Variants in PSMG2 observed in about 807,000 individuals in gnomAD.
PSMG2 encodes the protein proteasome assembly chaperone 2, also known as CD40 ligand-activated specific transcript 3.
Under a neutral mutation model 31.5 loss-of-function variants are expected in PSMG2, and 21 were observed. The ratio of observed to expected loss-of-function variants is 0.67; its 90% CI spans 0.47 to 0.96. The LOEUF (loss-of-function observed/expected upper bound fraction) is 0.96, where lower values mean the gene tolerates loss of function less well. PSMG2 is among the 40% of genes least tolerant of loss of function. The pLI, the probability that PSMG2 is intolerant of heterozygous loss-of-function variation, is 0.00. For missense variants in PSMG2, 318 were observed against 321.2 expected (o/e 0.99, Z 0.08); for synonymous variants, 120 against 110.4 (o/e 1.09, Z -0.54).
At chr18:12,719,844 C>T (rs1359509520) in intron 4 of PSMG2, among the ~76,000 whole-genome samples, 1 of 150,182 alleles carries the variant, frequency 6.7e-6, no homozygotes, top group Non-Finnish European at 1.5e-5. Context: ...CTGCCTCAGC[C>T]TCCCGAGTAC....
At chr18:12,693,290 G>A (rs192568656) in intron 1 of PSMG2, among the ~76,000 whole-genome samples, 33 of 152,176 alleles carry the variant, frequency 2.2e-4, no homozygotes, top group Non-Finnish European at 2.6e-4. Context: ...GGGGCACAAT[G>A]GTCCATGTCT....
chr18:12,702,624 A>G (rs1210969076), upstream of PSMG2: 8 of 1,478,520 alleles, frequency 5.4e-6, no homozygotes, highest in African/African-American at 7.1e-5. Context: ...CGGGCCAGGG[A>G]GCGTTAGGAG....
At chr18:12,678,044 C>CA in intron 1 of PSMG2, 2 of 1,346,336 alleles carry the variant, frequency 1.5e-6, no homozygotes, top group Non-Finnish European at 2.1e-6. Flanking sequence ...TCACACACAC[C>CA]AAAAAACAGT....
At chr18:12,696,694 G>A (rs1302784392) in intron 1 of PSMG2, among the ~76,000 whole-genome samples, 2 of 152,064 alleles carry the variant, frequency 1.3e-5, no homozygotes, top group East Asian at 1.9e-4. Context: ...AGATTCCAAG[G>A]AGACTATGAT....
intron 1 of PSMG2, chr18:12,692,334 C>T (rs2039798220): frequency 6.6e-6 from 1 of 151,684 alleles, no homozygotes; most frequent in East Asian, 1.9e-4. Flanking sequence ...AAAAAACATA[C>T]TGTCATTCTC....
At position 12,668,597 on chromosome 18, in the gene PSMG2, C is replaced by CAAAAAAAAAAA. The variant is rs752216074; in HGVS notation, c.-37+9846_-37+9856dup. On this transcript the variant is annotated intron_variant, in intron 1 of 6. Transcript: ENST00000585331. ...TGGGAGACAGAGTAAGATTCCATCT[C>CAAAAAAAAAAA]AAAAAAAAAAAAAAAAAAAAAAAAA... is the stretch of plus-strand genomic sequence containing the variant. 1.8e-3 allele frequency among the ~76,000 whole-genome samples: 133 copies of CAAAAAAAAAAA among 72,800 alleles called. 1 individual carries two copies. The highest frequency in any genetic ancestry group is 2.3e-3 in the South Asian group (3 of 1,314). 47.8% of individuals were successfully genotyped at this position (72,800 alleles called of 152,430 possible).
At chr18:12,705,147 C>T (rs988289350) in intron 1 of PSMG2, among the ~76,000 whole-genome samples, 3 of 152,014 alleles carry the variant, frequency 2.0e-5, no homozygotes, top group Non-Finnish European at 4.4e-5. Context: ...TCACTGCAAC[C>T]TCTGCCTCCT....
rs146808596 is a variant in PSMG2, at chr18:12,686,399, C to T, written c.-36-20151C>T. 3.5e-4 allele frequency: 567 copies of T among 1,614,052 alleles called. No homozygotes were observed. Among genetic ancestry groups the T allele is most frequent in the Non-Finnish European group, 4.6e-4 (542 of 1,179,980 alleles). On this transcript the variant is annotated intron_variant, in intron 1 of 6. Transcript: ENST00000585331. ...CTTGGAGTATCAAGAAGCCGTCCAGCTCGAAGTGGTTTAACATAGGAACAG... is the reference window on the plus strand; with the variant it reads ...CTTGGAGTATCAAGAAGCCGTCCAGTTCGAAGTGGTTTAACATAGGAACAG...
At chr18:12,690,233 C>T (rs186166281) in intron 1 of PSMG2, among the ~76,000 whole-genome samples, 1 of 152,336 alleles carries the variant, frequency 6.6e-6, no homozygotes, top group Admixed American at 6.5e-5. Flanking sequence ...GTCAACCTCT[C>T]ATTCCCAAGC....
chr18:12,662,706 G>C (rs2038719307), intron 1 of PSMG2, among the ~76,000 whole-genome samples: 1 of 152,200 alleles, frequency 6.6e-6, no homozygotes, highest in Admixed American at 6.6e-5. Context: ...GAGCCCAGGA[G>C]GCAGAGGCTG....
At chr18:12,666,436 G>GTAT (rs1555640544) in intron 1 of PSMG2, among the ~76,000 whole-genome samples, 3,083 of 126,594 alleles carry the variant, frequency 0.024, 165 homozygotes, top group African/African-American at 0.084. Flanking sequence ...AAATTTTATG[G>GTAT]TTTTTTTTTT....
chr18:12,674,452 A>AC, intron 1 of PSMG2: 1 of 1,037,234 alleles, frequency 9.6e-7, no homozygotes, highest in East Asian at 2.4e-5. Flanking sequence ...AAAAAAAAAA[A>AC]AAAAAGGAAA....
chr18:12,719,551 C>T (rs979986352), intron 4 of PSMG2, among the ~76,000 whole-genome samples: 1 of 151,612 alleles, frequency 6.6e-6, no homozygotes, highest in African/African-American at 2.4e-5. Flanking sequence ...CCACGCCAGA[C>T]TAATTTTTGT....
intron 2 of PSMG2, among the ~76,000 whole-genome samples, chr18:12,708,992 G>A (rs901330858): frequency 6.6e-6 from 1 of 151,990 alleles, no homozygotes; most frequent in Non-Finnish European, 1.5e-5. Flanking sequence ...GATTACAGGT[G>A]TGAGGAGCAA....
chr18:12,714,244 C>CA (rs938344399), intron 3 of PSMG2, among the ~76,000 whole-genome samples: 1 of 152,166 alleles, frequency 6.6e-6, no homozygotes. Context: ...GCCCCATATG[C>CA]AAAAAGCCAG....
At chr18:12,668,817 T>TGCA (rs1419900024) in intron 1 of PSMG2, among the ~76,000 whole-genome samples, 1 of 137,058 alleles carries the variant, frequency 7.3e-6, no homozygotes, top group East Asian at 2.4e-4. Flanking sequence ...CTCGGCTCAC[T>TGCA]GCAGCCTTCG....
chr18:12,688,545 C>T (rs1311666181), intron 1 of PSMG2, among the ~76,000 whole-genome samples: 1 of 152,106 alleles, frequency 6.6e-6, no homozygotes, highest in African/African-American at 2.4e-5. Flanking sequence ...ATAGTAGCAT[C>T]TTAGAATGTA....
intron 1 of PSMG2, among the ~76,000 whole-genome samples, chr18:12,693,954 C>T (rs1355504396): frequency 6.6e-6 from 1 of 152,098 alleles, no homozygotes; most frequent in Non-Finnish European, 1.5e-5. Flanking sequence ...ATTTCAGCTT[C>T]CCAAGCAGCT....
intron 1 of PSMG2, among the ~76,000 whole-genome samples, chr18:12,697,023 T>C (rs553922523): frequency 1.3e-5 from 2 of 152,316 alleles, no homozygotes; most frequent in South Asian, 2.1e-4. Flanking sequence ...CAAGGTCAGA[T>C]TGACCATGAA....
Sources: gnomAD v4.1 joint callset for allele counts (sites outside exome capture counted in the v4.1 genomes callset) on GRCh38, gnomAD v4.1.1 for gene constraint, MANE v1.5 for transcripts, NCBI Gene and HGNC (gene_info 2026-07-23, HGNC 2026-07-21) for gene names.